The following DICER1 variants were observed in gnomAD, a reference collection of about 807,000 sequenced individuals.
DICER1 encodes the protein dicer 1, ribonuclease III.
DICER1 carries 43 observed loss-of-function variants against 194.1 expected under a neutral mutation model. The ratio of observed to expected loss-of-function variants is 0.22; its 90% CI spans 0.17 to 0.29. The LOEUF (loss-of-function observed/expected upper bound fraction) is 0.29. DICER1 is among the 10% of genes least tolerant of loss of function. The pLI, the probability that DICER1 is intolerant of heterozygous loss-of-function variation, is 1.00. For missense variants in DICER1, 1,608 were observed against 2,317.0 expected (o/e 0.69, Z 6.28); for synonymous variants, 832 against 820.5 (o/e 1.01, Z -0.24).
chr14:95,101,667 G>A (rs1482676188), intron 21 of DICER1, among the ~76,000 whole-genome samples: 8 of 152,220 alleles, frequency 5.3e-5, no homozygotes, highest in East Asian at 1.9e-4. Context: ...TTATGACTGC[G>A]CCTCCAGTCC....
Position 95,090,569 on chromosome 14 carries a change from C to T in DICER1, c.5698G>A (p.Ala1900Thr), listed in dbSNP as rs2139766121. ...GCTCTTCTTGCTGCTGCAGATTTGG[C>T]AATCCTGTAACTTCGACCAACACCT... The part of the protein sequence containing the change: ...FKGVGRSYRI[A>T]KSAAARRALR... Residue 1900 changes from alanine (A) to threonine (T), a missense_variant, in exon 27 of 27, where the codon GCC becomes ACC. Coordinates refer to ENST00000343455, the MANE Select transcript of DICER1 (RefSeq NM_177438.3). 1 of 1,614,202 alleles carries T rather than the reference C, an allele frequency of 6.2e-7. No individual in the cohort carries two copies. The highest frequency in any genetic ancestry group is 8.5e-7 in the Non-Finnish European group (1 of 1,180,034).
chr14:95,095,637 T>C (rs553338016), intron 23 of DICER1, 188 bp downstream of exon 23: 94 of 690,980 alleles, frequency 1.4e-4, no homozygotes, highest in African/African-American at 1.8e-5. Flanking sequence ...ACCAAAGTTA[T>C]AAAGCAATAC....
chr14:95,144,809 T>C (rs754666803), intron 1 of DICER1, among the ~76,000 whole-genome samples: 1 of 152,124 alleles, frequency 6.6e-6, no homozygotes, highest in Non-Finnish European at 1.5e-5. Context: ...AATCAACAGA[T>C]TCAGGAAAAG....
intron 6 of DICER1, among the ~76,000 whole-genome samples, chr14:95,127,113 G>A (rs1285415328): frequency 6.6e-6 from 1 of 152,264 alleles, no homozygotes; most frequent in East Asian, 1.9e-4. Context: ...GGATGACGAA[G>A]GAAATGAAGG....
Position 95,129,883 on chromosome 14 carries a change from T to C in DICER1, c.573+175A>G. On this transcript the variant is annotated intron_variant, in intron 5 of 26. Coordinates refer to ENST00000343455, the MANE Select transcript of DICER1 (RefSeq NM_177438.3). ...AATTATATAGAATTTATTATGATGT[T>C]TAAAAGTTTATTATAGATTTAAATG... Among the ~76,000 whole-genome samples, 4 of 152,322 alleles carry C rather than the reference T, an allele frequency of 2.6e-5. No homozygotes were observed. In the South Asian group the frequency reaches 8.3e-4, roughly 32 times the overall value.
In DICER1 at chr14:95,087,156, C is replaced by T. The variant is rs746137769; in HGVS notation, c.*3342G>A. The T allele has an allele frequency of 1.1e-4, 25 of 233,032 alleles. No homozygotes were observed. Among genetic ancestry groups the T allele is most frequent in the Admixed American group, 3.9e-4 (7 of 17,768 alleles). The allele number at this position is 233,032 out of a possible 1,614,324, so 14.4% of individuals were successfully genotyped here. On this transcript the variant is annotated 3_prime_UTR_variant, in exon 27 of 27. Transcript: ENST00000343455. Reference sequence around the variant, plus strand: ...GGGAGCGACTGAAGAAGCCGACTGCCGGGGGAACACCTGGATTCATGAACC... The same window carrying T: ...GGGAGCGACTGAAGAAGCCGACTGCTGGGGGAACACCTGGATTCATGAACC...
At chr14:95,132,381 A>T (rs1894022111) in intron 3 of DICER1, 134 bp downstream of exon 3, 1 of 960,450 alleles carries the variant, frequency 1.0e-6, no homozygotes, top group South Asian at 1.4e-5. Context: ...AATTTCTGCC[A>T]GAAGAGATTA....
At chr14:95,128,530 T>G (rs1369500081) in intron 6 of DICER1, among the ~76,000 whole-genome samples, 2 of 152,360 alleles carry the variant, frequency 1.3e-5, no homozygotes, top group East Asian at 3.9e-4. Context: ...TTACCTTTCC[T>G]TCTCACTCTC....
At chr14:95,143,652 C>T (rs1894955939) in intron 1 of DICER1, among the ~76,000 whole-genome samples, 1 of 152,086 alleles carries the variant, frequency 6.6e-6, no homozygotes, top group African/African-American at 2.4e-5. Flanking sequence ...TTACATAAAA[C>T]AGTAAGATTT....
intron 6 of DICER1, among the ~76,000 whole-genome samples, chr14:95,127,363 G>A (rs1001479921): frequency 5.3e-5 from 8 of 152,238 alleles, no homozygotes; most frequent in African/African-American, 1.9e-4. Flanking sequence ...TGGTACTCAT[G>A]TTTATCTGCA....
chr14:95,146,054 G>A (rs956653345), intron 1 of DICER1, among the ~76,000 whole-genome samples: 1 of 152,164 alleles, frequency 6.6e-6, no homozygotes. Flanking sequence ...CATTTAAAAT[G>A]GTAAGTTTAT....
intron 6 of DICER1, among the ~76,000 whole-genome samples, chr14:95,128,314 A>T (rs1893655738): frequency 6.6e-6 from 1 of 152,232 alleles, no homozygotes; most frequent in African/African-American, 2.4e-5. Context: ...AGTTTTACTT[A>T]AACGCTCTAC....
At chr14:95,090,901 A>G (rs1949820528) in intron 26 of DICER1, 133 bp downstream of exon 26, 1 of 1,020,310 alleles carries the variant, frequency 9.8e-7, no homozygotes. Flanking sequence ...CAATCAGATT[A>G]CAAACAGAAA....
At chr14:95,146,174 C>T (rs770467382) in intron 1 of DICER1, among the ~76,000 whole-genome samples, 1 of 152,182 alleles carries the variant, frequency 6.6e-6, no homozygotes, top group Admixed American at 6.5e-5. Context: ...CAGTTTAAAG[C>T]CTGAAGGTCG....
At chr14:95,130,531 AT>A (rs1277271760) in intron 4 of DICER1, among the ~76,000 whole-genome samples, 1 of 152,120 alleles carries the variant, frequency 6.6e-6, no homozygotes, top group Non-Finnish European at 1.5e-5. Context: ...CACACTTTTT[AT>A]TTTTTTCTGT....
At chr14:95,130,385 AAGAGT>A (rs1163951620) in intron 4 of DICER1, among the ~76,000 whole-genome samples, 193 bp from the exon 5 acceptor site, 17 of 152,244 alleles carry the variant, frequency 1.1e-4, no homozygotes, top group African/African-American at 4.1e-4. Flanking sequence ...AGCATGGGAA[AAGAGT>A]AGAGAAAAAA....
Position 95,088,090 on chromosome 14 carries a change from C to T in DICER1, c.*2408G>A, listed in dbSNP as rs559735598. ...GTAACCAGGGGATCACAGAATGCTT[C>T]AAACTGTGAGTCAAATTAAAATCTA... On this transcript the variant is annotated 3_prime_UTR_variant, in exon 27 of 27. Transcript: ENST00000343455. The T allele has an allele frequency of 5.6e-5, 13 of 232,830 alleles. No homozygotes were observed. The South Asian group carries it at 2.4e-3, about 42-fold the overall frequency. The allele number at this position is 232,830 out of a possible 1,614,324, so 14.4% of individuals were successfully genotyped here. A position where few individuals can be genotyped will look rare whatever the true frequency, so the allele number is the denominator to read the frequency against.
intron 17 of DICER1, among the ~76,000 whole-genome samples, chr14:95,107,343 T>G (rs1891517848): frequency 6.6e-6 from 1 of 151,814 alleles, no homozygotes; most frequent in Admixed American, 6.6e-5. Context: ...CTCCGCCTCC[T>G]AGCTTGAAGT....
In DICER1 at chr14:95,096,034, GAA is replaced by G; in HGVS notation, c.4884_4885del (p.Ser1629ThrfsTer22). On this transcript the variant is annotated frameshift_variant, in exon 23 of 27. Coordinates refer to ENST00000343455, the MANE Select transcript of DICER1 (RefSeq NM_177438.3). LOFTEE classifies it high-confidence loss of function. ...CGAGTCTTTCAATACAGAAGAGCGT[GAA>G]CTGGCCACAGAAGCAGCAGCACAGC... 6.2e-7 allele frequency: 1 copy of G among 1,614,152 alleles called. No homozygotes were observed. The highest frequency in any genetic ancestry group is 8.5e-7 in the Non-Finnish European group (1 of 1,180,012).
Sources: allele counts gnomAD v4.1 joint callset (sites outside exome capture counted in the v4.1 genomes callset), GRCh38; gene constraint gnomAD v4.1.1; transcripts MANE v1.5; gene names NCBI Gene and HGNC (gene_info 2026-07-23, HGNC 2026-07-21).